The following RAB30 variants were observed in gnomAD, a reference collection of about 807,000 sequenced individuals.
The protein encoded by RAB30 is ras-related protein Rab-30.
In RAB30, 9 loss-of-function variants were observed where a neutral mutation model predicts 25.1. That is an observed-to-expected ratio of 0.36 (90% CI 0.22 to 0.63). The LOEUF is 0.63. Among genes scored for constraint, RAB30 ranks in the 20% least tolerant of loss-of-function variants. The probability of loss-of-function intolerance (pLI) is 0.69; values close to 1 mark genes in which losing one functional copy is unlikely to be tolerated. For synonymous variants in RAB30, 77 were observed against 86.4 expected, an observed-to-expected ratio of 0.89 and a Z score of 0.60; for missense variants, 140 against 243.5, an observed-to-expected ratio of 0.58 and a Z score of 2.83.
At chr11:83,068,175 G>A (rs560354861) in intron 1 of RAB30, among the ~76,000 whole-genome samples, 21 of 151,316 alleles carry the variant, frequency 1.4e-4, no homozygotes, top group African/African-American at 2.7e-4. Context: ...GCGGGCACCT[G>A]TAATCCCAGA....
chr11:83,059,307 T>C (rs1858517366), intron 1 of RAB30, among the ~76,000 whole-genome samples: 1 of 152,242 alleles, frequency 6.6e-6, no homozygotes, highest in Non-Finnish European at 1.5e-5. Flanking sequence ...TTCACAAATA[T>C]ATACTGTTCT....
In RAB30 at chr11:82,974,583, T is replaced by A. The variant is rs1012248240; in HGVS notation, c.*7582A>T. The A allele has an allele frequency of 2.0e-5, 3 of 152,208 alleles. No individual in the cohort carries two copies. The allele number at this position is 152,208 out of a possible 1,614,324, so 9.4% of individuals were successfully genotyped here. ...CTGTATACAAATAATACTGATATCC[T>A]ATGCTTAAAACCAATAGCCAAATAT... On this transcript the variant is annotated 3_prime_UTR_variant, in exon 5 of 5. Coordinates refer to ENST00000527633, the MANE Select transcript of RAB30 (RefSeq NM_001286060.2).
In RAB30 at chr11:82,989,485, TA is replaced by T. The variant is rs545256380; in HGVS notation, c.178-1716del. 1.1e-3 allele frequency among the ~76,000 whole-genome samples: 175 copies of T among 152,338 alleles called. 1 individual carries two copies. Among genetic ancestry groups the T allele is most frequent in the Non-Finnish European group, 1.8e-3 (122 of 68,024 alleles). The stretch of plus-strand genomic sequence containing the variant: ...ATGCTAAAGGCCACTGTACAGATGT[TA>T]CGGTTTTTGCTGGGACAAAGGCTAT... On this transcript the variant is annotated intron_variant, in intron 3 of 4. Transcript: ENST00000527633.
intron 1 of RAB30, among the ~76,000 whole-genome samples, chr11:83,061,400 T>G (rs1481453625): frequency 1.3e-5 from 2 of 152,122 alleles, no homozygotes; most frequent in Non-Finnish European, 2.9e-5. Flanking sequence ...TCAGAAAAAT[T>G]TTTTAAAAGT....
intron 3 of RAB30, among the ~76,000 whole-genome samples, chr11:82,993,087 G>A (rs1032337854): frequency 1.3e-5 from 2 of 152,342 alleles, no homozygotes; most frequent in South Asian, 2.1e-4. Flanking sequence ...GGCAGGTAGA[G>A]CACAGTGCCA....
chr11:83,015,147 T>C (rs1857408015), intron 1 of RAB30, among the ~76,000 whole-genome samples: 1 of 152,198 alleles, frequency 6.6e-6, no homozygotes, highest in South Asian at 2.1e-4. Flanking sequence ...CACAAACCAA[T>C]TAACATTTTT....
At chr11:82,997,536 G>A (rs1187161276) in intron 1 of RAB30, 5 of 506,230 alleles carry the variant, frequency 9.9e-6, no homozygotes, top group African/African-American at 3.9e-5. Context: ...ATGCCACAGA[G>A]AATAAATGAC....
At chr11:83,016,753 C>A (rs146362678) in intron 1 of RAB30, among the ~76,000 whole-genome samples, 2 of 152,328 alleles carry the variant, frequency 1.3e-5, no homozygotes, top group African/African-American at 4.8e-5. Flanking sequence ...TGAAAATAAT[C>A]AGAACAGAGT....
chr11:83,061,654 T>C lies in RAB30; in HGVS notation c.-9+10037A>G, dbSNP rs1858581052. Among the ~76,000 whole-genome samples the C allele has an allele frequency of 2.0e-5, 3 of 151,778 alleles. No individual in the cohort carries two copies. The South Asian group carries it at 6.2e-4, about 32-fold the overall frequency. ...CAAATTAATCCAGATAAAAGGTACATGGAATGTTTTTCGTTTGTTTTTTGT... is the reference window on the plus strand; with the variant it reads ...CAAATTAATCCAGATAAAAGGTACACGGAATGTTTTTCGTTTGTTTTTTGT... On this transcript the variant is annotated intron_variant, in intron 1 of 4. Coordinates refer to ENST00000527633, the MANE Select transcript of RAB30 (RefSeq NM_001286060.2).
At chr11:83,042,304 G>C (rs60783560) in intron 1 of RAB30, among the ~76,000 whole-genome samples, 108 of 152,164 alleles carry the variant, frequency 7.1e-4, no homozygotes, top group African/African-American at 2.3e-3. Flanking sequence ...TGTAATCCTA[G>C]CACTTTGGGA....
At chr11:83,045,433 G>A (rs549991236) in intron 1 of RAB30, among the ~76,000 whole-genome samples, 2 of 152,204 alleles carry the variant, frequency 1.3e-5, no homozygotes, top group Middle Eastern at 3.4e-3. Flanking sequence ...ACCCAGCTCT[G>A]TAAACATTTA....
intron 1 of RAB30, among the ~76,000 whole-genome samples, chr11:83,002,576 G>T (rs1383776113): frequency 6.6e-6 from 1 of 152,108 alleles, no homozygotes; most frequent in Non-Finnish European, 1.5e-5. Context: ...AGTATGAAAA[G>T]CTTAAAAAGA....
chr11:83,022,448 C>T (rs1357637722), intron 1 of RAB30, among the ~76,000 whole-genome samples: 3 of 152,062 alleles, frequency 2.0e-5, no homozygotes, highest in East Asian at 1.9e-4. Flanking sequence ...TGTGAGCCAC[C>T]GCACTTGGTC....
At chr11:83,053,593 A>T (rs1296426609) in intron 1 of RAB30, among the ~76,000 whole-genome samples, 2 of 150,968 alleles carry the variant, frequency 1.3e-5, no homozygotes, top group Non-Finnish European at 2.9e-5. Flanking sequence ...TCTCTTACTA[A>T]TCTGCTCTAT....
intron 3 of RAB30, among the ~76,000 whole-genome samples, chr11:82,991,551 G>A (rs1261149996): frequency 6.7e-6 from 1 of 148,568 alleles, no homozygotes; most frequent in Non-Finnish European, 1.5e-5. Context: ...AGACAACTAT[G>A]CAGTTCTGCC....
In RAB30 at chr11:82,994,139, A is replaced by G. The variant is rs753144915; in HGVS notation, c.94-17T>C. 9 of 1,569,016 alleles carry G rather than the reference A, an allele frequency of 5.7e-6. No individual in the cohort carries two copies. Among genetic ancestry groups the G allele is most frequent in the Non-Finnish European group, 7.9e-6 (9 of 1,140,082 alleles). ...GAAAAGACCCTGAAGAAGAAATAAT[A>G]GAAAAGAACAGCTAAGCAAATATTT... On this transcript the variant is annotated splice_polypyrimidine_tract_variant and intron_variant, in intron 2 of 4. Coordinates refer to ENST00000527633, the MANE Select transcript of RAB30 (RefSeq NM_001286060.2).
At chr11:83,019,908 C>T (rs1475386232) in intron 1 of RAB30, among the ~76,000 whole-genome samples, 1 of 152,230 alleles carries the variant, frequency 6.6e-6, no homozygotes, top group African/African-American at 2.4e-5. Flanking sequence ...GTTCCCCTAA[C>T]TAGAAAATGT....
intron 1 of RAB30, among the ~76,000 whole-genome samples, chr11:83,006,697 G>A (rs973303516): frequency 6.6e-6 from 1 of 152,042 alleles, no homozygotes; most frequent in Non-Finnish European, 1.5e-5. Flanking sequence ...AATCTATTTG[G>A]GGTACTCTGT....
chr11:83,038,111 G>T, intron 1 of RAB30, among the ~76,000 whole-genome samples: 1 of 152,100 alleles, frequency 6.6e-6, no homozygotes. Flanking sequence ...AATTGAATAG[G>T]GAAAATGCTA....
Sources: gnomAD v4.1 joint callset for allele counts (sites outside exome capture counted in the v4.1 genomes callset) on GRCh38, gnomAD v4.1.1 for gene constraint, MANE v1.5 for transcripts, NCBI Gene and HGNC (gene_info 2026-07-23, HGNC 2026-07-21) for gene names.